MTMR2: variants seen among roughly 807,000 people sequenced by gnomAD.
MTMR2 encodes myotubularin related protein 2, also known as phosphatidylinositol-3,5-bisphosphate 3-phosphatase MTMR2.
In MTMR2, 55 loss-of-function variants were observed where a neutral mutation model predicts 86.9. That is an observed-to-expected ratio of 0.63 (90% confidence interval 0.51 to 0.79). The LOEUF (loss-of-function observed/expected upper bound fraction) is 0.79. Ranked by LOEUF, MTMR2 falls within the 30% of genes least tolerant of loss-of-function variation. The pLI, the probability that MTMR2 is intolerant of heterozygous loss-of-function variation, is 0.00. For synonymous variants in MTMR2, 241 were observed against 266.8 expected (o/e 0.90, Z 0.94); for missense variants, 659 against 772.3 (o/e 0.85, Z 1.74).
chr11:95,910,098 A>AACACAC (rs137969295), intron 1 of MTMR2, among the ~76,000 whole-genome samples: 3 of 148,662 alleles, frequency 2.0e-5, no homozygotes, highest in African/African-American at 7.4e-5. Context: ...TTTAAATATA[A>AACACAC]ACACACACAC....
At chr11:95,873,690 G>C (rs1361074262) in intron 2 of MTMR2, among the ~76,000 whole-genome samples, 1 of 151,510 alleles carries the variant, frequency 6.6e-6, no homozygotes, top group Non-Finnish European at 1.5e-5. Context: ...GTGATGTTAG[G>C]GTGTCAATTT....
At chr11:95,890,402 A>G (rs1865675079) in intron 1 of MTMR2, among the ~76,000 whole-genome samples, 1 of 152,100 alleles carries the variant, frequency 6.6e-6, no homozygotes, top group Non-Finnish European at 1.5e-5. Context: ...TGATCAGGGT[A>G]GTTTGTGCCC....
In MTMR2 at chr11:95,888,207, T is replaced by C. The variant is rs1390105346; in HGVS notation, c.135A>G (p.Val45=). The C allele has an allele frequency of 6.2e-7, 1 of 1,613,674 alleles. No individual in the cohort carries two copies. Among genetic ancestry groups the C allele is most frequent in the South Asian group, 1.1e-5 (1 of 91,072 alleles). ...NSVHTKSASV[V]SSDSISTSAD... ...CAGAAGTTGAAATGGAATCTGATGA[T>C]ACAACAGAAGCTGATTTTGTATGCA... is the stretch of plus-strand genomic sequence containing the variant. Residue 45 remains valine (V), a synonymous_variant, in exon 2 of 15, where the codon GTA becomes GTG. Coordinates refer to ENST00000346299, the MANE Select transcript of MTMR2 (RefSeq NM_016156.6).
At position 95,835,330 on chromosome 11, in the gene MTMR2, G is replaced by C. The variant is rs1274420283; in HGVS notation, c.1892C>G (p.Ser631Cys). 1.9e-6 allele frequency: 3 copies of C among 1,613,068 alleles called. No individual in the cohort carries two copies. The highest frequency in any genetic ancestry group is 2.5e-6 in the Non-Finnish European group (3 of 1,179,328). Residue 631 changes from serine to cysteine, a missense_variant, in exon 15 of 15, where the codon TCT becomes TGT. By Grantham distance (112) the Ser-to-Cys change is moderately radical. Transcript: ENST00000346299. ...GACAGGAGTGACACACTGTGCAGGAGAGCTGGCTCTCTCTGAGGATGAGGT... is the reference window on the plus strand; with the variant it reads ...GACAGGAGTGACACACTGTGCAGGACAGCTGGCTCTCTCTGAGGATGAGGT... ...RSTSSSERAS[S>C]PAQCVTPVQT...
At chr11:95,884,782 C>G (rs991751376) in intron 2 of MTMR2, among the ~76,000 whole-genome samples, 1 of 152,114 alleles carries the variant, frequency 6.6e-6, no homozygotes, top group African/African-American at 2.4e-5. Flanking sequence ...GTGTTACTCA[C>G]TCATCTCCCT....
intron 2 of MTMR2, 32 bp from the exon 3 acceptor site, chr11:95,865,708 T>A: frequency 6.4e-7 from 1 of 1,563,974 alleles, no homozygotes; most frequent in Non-Finnish European, 8.8e-7. Flanking sequence ...AAGAAACATT[T>A]TTTTATTCAA....
chr11:95,910,095 A>G (rs1866437060), intron 1 of MTMR2, among the ~76,000 whole-genome samples: 1 of 142,880 alleles, frequency 7.0e-6, no homozygotes, highest in Non-Finnish European at 1.5e-5. Flanking sequence ...TTTTTTAAAT[A>G]TAAACACACA....
intron 2 of MTMR2, among the ~76,000 whole-genome samples, chr11:95,870,731 C>CTTTTTTTTTT (rs1158293839): frequency 6.9e-4 from 90 of 129,844 alleles, no homozygotes; most frequent in African/African-American, 1.8e-3. Context: ...TTCTTTTTTT[C>CTTTTTTTTTT]TTTTTCTTTT....
chr11:95,910,118 C>T (rs968037818), intron 1 of MTMR2, among the ~76,000 whole-genome samples: 3 of 138,206 alleles, frequency 2.2e-5, no homozygotes, highest in Non-Finnish European at 5.0e-5. Flanking sequence ...CACACACGCA[C>T]GCATGCACGC....
At chr11:95,913,084 C>T (rs1866570437) in intron 1 of MTMR2, 1 of 152,082 alleles carries the variant, frequency 6.6e-6, no homozygotes, top group Non-Finnish European at 1.5e-5. Flanking sequence ...GAATGAGTCA[C>T]ATATCTGACT....
At chr11:95,845,975 T>C (rs1863773725) in intron 10 of MTMR2, among the ~76,000 whole-genome samples, 1 of 149,720 alleles carries the variant, frequency 6.7e-6, no homozygotes, top group South Asian at 2.1e-4. Context: ...TAGTTCTACA[T>C]ACGCAGATGA....
intron 6 of MTMR2, among the ~76,000 whole-genome samples, chr11:95,858,126 G>C (rs1188995649): frequency 2.0e-5 from 3 of 152,102 alleles, no homozygotes; most frequent in Admixed American, 2.0e-4. Flanking sequence ...TGATATAAAC[G>C]TGGGAGTCTA....
At chr11:95,884,895 T>C (rs1865461617) in intron 2 of MTMR2, among the ~76,000 whole-genome samples, 1 of 152,086 alleles carries the variant, frequency 6.6e-6, no homozygotes, top group Non-Finnish European at 1.5e-5. Flanking sequence ...AACATACTAC[T>C]TTTCTTTTTT....
intron 1 of MTMR2, chr11:95,908,003 A>G: frequency 4.3e-6 from 1 of 232,542 alleles, no homozygotes; most frequent in Middle Eastern, 4.6e-4. Flanking sequence ...AGCAAGAGCA[A>G]TCAGGCAAGA....
At chr11:95,854,341 T>C (rs1369897505) in intron 7 of MTMR2, among the ~76,000 whole-genome samples, 1 of 152,226 alleles carries the variant, frequency 6.6e-6, no homozygotes, top group Non-Finnish European at 1.5e-5. Flanking sequence ...GCTTTCTTAG[T>C]TACTTACATT....
intron 10 of MTMR2, among the ~76,000 whole-genome samples, chr11:95,845,776 T>G (rs1168632987): frequency 2.0e-5 from 3 of 150,512 alleles, no homozygotes; most frequent in Non-Finnish European, 4.4e-5. Flanking sequence ...TTTTTAAATA[T>G]GCAGAAATCC....
intron 2 of MTMR2, among the ~76,000 whole-genome samples, chr11:95,876,917 A>C (rs557657699): frequency 6.6e-6 from 1 of 152,290 alleles, no homozygotes; most frequent in African/African-American, 2.4e-5. Flanking sequence ...TCGATCTAGA[A>C]GTTGGCAAGT....
In MTMR2 at chr11:95,834,791, G is replaced by GTAAATCAGTT; in HGVS notation, c.*489_*498dup. On this transcript the variant is annotated 3_prime_UTR_variant, in exon 15 of 15. Coordinates refer to ENST00000346299, the MANE Select transcript of MTMR2 (RefSeq NM_016156.6). ...ATATGGAAGTTGAAAAGTGATCAAG[G>GTAAATCAGTT]TAAATCAGTTACTGAAAAAAAGAAA... 5.9e-6 allele frequency: 1 copy of GTAAATCAGTT among 168,510 alleles called. No individual in the cohort carries two copies. The highest frequency in any genetic ancestry group is 1.4e-4 in the South Asian group (1 of 7,008). The allele number at this position is 168,510 out of a possible 1,614,324, so 10.4% of individuals were successfully genotyped here.
chr11:95,872,344 G>C (rs904463842), intron 2 of MTMR2, among the ~76,000 whole-genome samples: 3 of 152,180 alleles, frequency 2.0e-5, no homozygotes, highest in African/African-American at 7.2e-5. Flanking sequence ...CACGTCCCTT[G>C]TAAGTTGGAT....
Sources: gnomAD v4.1 joint callset for allele counts (sites outside exome capture counted in the v4.1 genomes callset) on GRCh38, gnomAD v4.1.1 for gene constraint, MANE v1.5 for transcripts, NCBI Gene and HGNC (gene_info 2026-07-23, HGNC 2026-07-21) for gene names.